Variants in SLIT3 observed in about 807,000 individuals in gnomAD.
SLIT3 encodes slit guidance ligand 3.
A neutral mutation model predicts 184.0 loss-of-function variants in SLIT3; 68 were observed. The ratio of observed to expected loss-of-function variants is 0.37; its 90% confidence interval spans 0.30 to 0.45. SLIT3 has a LOEUF of 0.45. Among genes scored for constraint, SLIT3 ranks in the 20% least tolerant of loss-of-function variants. The pLI is 1.00. For synonymous variants in SLIT3, 831 were observed against 828.6 expected (o/e 1.00, Z -0.05); for missense variants, 1,707 against 2,026.0 (o/e 0.84, Z 3.02).
chr5:169,267,947 T>C (rs7445940), intron 1 of SLIT3, among the ~76,000 whole-genome samples: 42,952 of 152,104 alleles, frequency 0.28, 6,289 homozygotes, highest in South Asian at 0.38. Context: ...ACTTTTAACA[T>C]AGGTGCAGTA....
At chr5:169,009,529 G>C (rs867249418) in intron 4 of SLIT3, among the ~76,000 whole-genome samples, 2 of 152,208 alleles carry the variant, frequency 1.3e-5, no homozygotes, top group African/African-American at 4.8e-5. Context: ...GAACAAACCT[G>C]TAGTAAACCA....
chr5:168,910,227 C>A (rs1224213511), intron 4 of SLIT3, among the ~76,000 whole-genome samples: 1 of 152,198 alleles, frequency 6.6e-6, no homozygotes, highest in Non-Finnish European at 1.5e-5. Context: ...AAACTGAAGG[C>A]TCAATGTAAC....
At chr5:169,229,635 T>C (rs1165754650) in intron 3 of SLIT3, among the ~76,000 whole-genome samples, 2 of 138,494 alleles carry the variant, frequency 1.4e-5, no homozygotes, top group Non-Finnish European at 3.0e-5. Context: ...CTTAGTCAAA[T>C]AAATTCTTCT....
At chr5:169,167,743 G>C (rs1026793308) in intron 4 of SLIT3, among the ~76,000 whole-genome samples, 1 of 152,094 alleles carries the variant, frequency 6.6e-6, no homozygotes, top group Non-Finnish European at 1.5e-5. Flanking sequence ...TCTGGTACCT[G>C]AACTTCTGCT....
chr5:169,192,042 C>T (rs569715739), intron 4 of SLIT3, among the ~76,000 whole-genome samples: 15 of 152,284 alleles, frequency 9.9e-5, no homozygotes, highest in Admixed American at 7.2e-4. Flanking sequence ...ATAGTGATTA[C>T]GTGAGCATCT....
intron 23 of SLIT3, among the ~76,000 whole-genome samples, chr5:168,721,721 T>A (rs887027863): frequency 1.3e-5 from 2 of 152,210 alleles, no homozygotes; most frequent in Non-Finnish European, 2.9e-5. Flanking sequence ...AAGCTTTGTG[T>A]TCTTAAAAAG....
chr5:168,990,079 T>C (rs530504112), intron 4 of SLIT3, among the ~76,000 whole-genome samples: 30 of 152,238 alleles, frequency 2.0e-4, no homozygotes, highest in African/African-American at 6.0e-4. Flanking sequence ...CTAGTTCCAT[T>C]CCCCTGAAGA....
intron 9 of SLIT3, among the ~76,000 whole-genome samples, chr5:168,798,223 C>CTTTTTTTTTTTTTTTTT (rs747746239): frequency 1.8e-5 from 2 of 109,054 alleles, no homozygotes; most frequent in South Asian, 3.6e-4. Flanking sequence ...TCTTCTTCTT[C>CTTTTTTTTTTTTTTTTT]TTTTTTTTTT....
At chr5:168,915,738 C>G (rs1305171672) in intron 4 of SLIT3, among the ~76,000 whole-genome samples, 1 of 151,960 alleles carries the variant, frequency 6.6e-6, no homozygotes, top group Non-Finnish European at 1.5e-5. Context: ...TTTATCTGCT[C>G]ATCAGCTACA....
intron 12 of SLIT3, among the ~76,000 whole-genome samples, chr5:168,776,800 C>T (rs1281117045): frequency 2.0e-5 from 3 of 152,128 alleles, no homozygotes; most frequent in Non-Finnish European, 4.4e-5. Context: ...GCAACCAGGG[C>T]TCAGGAATGG....
intron 4 of SLIT3, among the ~76,000 whole-genome samples, chr5:169,039,338 A>G (rs1383035315): frequency 7.3e-6 from 1 of 137,768 alleles, no homozygotes; most frequent in Non-Finnish European, 1.5e-5. Flanking sequence ...TTTTTTTGAG[A>G]TGCAGTCTTG....
At chr5:169,237,907 TAAG>T (rs1765259045) in intron 3 of SLIT3, among the ~76,000 whole-genome samples, 1 of 152,212 alleles carries the variant, frequency 6.6e-6, no homozygotes, top group Non-Finnish European at 1.5e-5. Flanking sequence ...CAATTTTGTG[TAAG>T]ATGTAAGATT....
At chr5:169,239,233 T>A (rs1321483325) in intron 3 of SLIT3, among the ~76,000 whole-genome samples, 2 of 152,294 alleles carry the variant, frequency 1.3e-5, no homozygotes, top group African/African-American at 4.8e-5. Flanking sequence ...TATAACTGAA[T>A]TAATTTGCTA....
intron 4 of SLIT3, among the ~76,000 whole-genome samples, chr5:169,128,288 A>G (rs888903312): frequency 3.0e-4 from 45 of 148,296 alleles, no homozygotes; most frequent in Non-Finnish European, 6.1e-4. Flanking sequence ...ATATATATAT[A>G]TAATTTATAT....
chr5:169,039,050 T>A (rs1757356883), intron 4 of SLIT3, among the ~76,000 whole-genome samples: 1 of 151,578 alleles, frequency 6.6e-6, no homozygotes, highest in Non-Finnish European at 1.5e-5. Context: ...CCCTCAGTCA[T>A]CTTTTTTTTT....
At chr5:169,029,669 A>C (rs1465457819) in intron 4 of SLIT3, among the ~76,000 whole-genome samples, 1 of 152,222 alleles carries the variant, frequency 6.6e-6, no homozygotes, top group Non-Finnish European at 1.5e-5. Context: ...TGTTTTGCAA[A>C]CAAGAGATCT....
intron 4 of SLIT3, among the ~76,000 whole-genome samples, chr5:168,975,862 G>A (rs752700895): frequency 6.6e-6 from 1 of 152,110 alleles, no homozygotes; most frequent in African/African-American, 2.4e-5. Flanking sequence ...AGAGCTACGG[G>A]TGGGCGTCCT....
chr5:168,727,335 GA>G (rs1028557763), intron 20 of SLIT3, among the ~76,000 whole-genome samples: 15 of 151,866 alleles, frequency 9.9e-5, no homozygotes, highest in African/African-American at 3.6e-4. Flanking sequence ...AAAAGAAAAA[GA>G]AAAAAAAGGA....
chr5:168,828,236 G>A (rs941474447), intron 6 of SLIT3, among the ~76,000 whole-genome samples: 25 of 152,164 alleles, frequency 1.6e-4, no homozygotes, highest in African/African-American at 5.3e-4. Flanking sequence ...CTGCAATGCC[G>A]TGATGGAATC....
Sources: allele counts gnomAD v4.1 joint callset (sites outside exome capture counted in the v4.1 genomes callset), GRCh38; gene constraint gnomAD v4.1.1; transcripts MANE v1.5; gene names NCBI Gene and HGNC (gene_info 2026-07-23, HGNC 2026-07-21).